Variants in GAS2 observed in about 807,000 individuals in gnomAD.
The protein encoded by GAS2 is growth arrest-specific protein 2.
GAS2 carries 20 observed loss-of-function variants against 37.5 expected under a neutral mutation model. The ratio of observed to expected loss-of-function variants is 0.53; its 90% CI spans 0.37 to 0.77. GAS2 has a LOEUF of 0.77. GAS2 is among the 30% of genes least tolerant of loss of function. The pLI is 0.00. For synonymous variants in GAS2, 144 were observed against 132.2 expected (o/e 1.09, Z -0.61); for missense variants, 336 against 373.4 (o/e 0.90, Z 0.82).
chr11:22,782,080 G>C (rs1855581487), intron 7 of GAS2, among the ~76,000 whole-genome samples: 1 of 152,164 alleles, frequency 6.6e-6, no homozygotes, highest in African/African-American at 2.4e-5. Context: ...TTTCAGCACT[G>C]TGTGTGTGAA....
chr11:22,717,824 C>G (rs1851754278), intron 3 of GAS2, among the ~76,000 whole-genome samples: 1 of 151,684 alleles, frequency 6.6e-6, no homozygotes, highest in South Asian at 2.1e-4. Flanking sequence ...CATGAATAGA[C>G]AATTCTCAAA....
rs369662583 is a variant in GAS2, at chr11:22,749,293, G to C, written c.615+32G>C. ...AAAATCAGTCAGACTTCTTACCAAC[G>C]GTTAGTCTTTCTTGCACTACAAAAC... is the stretch of plus-strand genomic sequence containing the variant. On this transcript the variant is annotated intron_variant, in intron 6 of 7. Coordinates refer to ENST00000454584, the MANE Select transcript of GAS2 (RefSeq NM_001143830.3). 28 of 1,596,148 alleles carry C rather than the reference G, an allele frequency of 1.8e-5. No individual in the cohort carries two copies. In the African/African-American group the frequency reaches 3.4e-4, roughly 19 times the overall value.
intron 3 of GAS2, among the ~76,000 whole-genome samples, chr11:22,699,036 C>G (rs961924890): frequency 1.3e-5 from 2 of 152,022 alleles, no homozygotes; most frequent in Non-Finnish European, 2.9e-5. Flanking sequence ...AAGCTCAAGC[C>G]CCCACAAAAT....
chr11:22,786,492 G>A (rs775922496), intron 7 of GAS2, among the ~76,000 whole-genome samples: 17 of 152,102 alleles, frequency 1.1e-4, no homozygotes, highest in Non-Finnish European at 1.6e-4. Context: ...TGTCCACTAT[G>A]CAAGGACTGG....
intron 1 of GAS2, among the ~76,000 whole-genome samples, chr11:22,629,890 G>A (rs1158679492): frequency 6.6e-6 from 1 of 152,102 alleles, no homozygotes; most frequent in Admixed American, 6.6e-5. Context: ...GCCTCGGTCA[G>A]TGTCCAGAAG....
intron 7 of GAS2, among the ~76,000 whole-genome samples, chr11:22,775,581 T>G (rs910845841): frequency 6.6e-6 from 1 of 152,146 alleles, no homozygotes; most frequent in Admixed American, 6.5e-5. Flanking sequence ...TAGAATAAAA[T>G]TGTGGGCTAC....
At chr11:22,760,041 T>C (rs1262108191) in intron 7 of GAS2, among the ~76,000 whole-genome samples, 2 of 152,208 alleles carry the variant, frequency 1.3e-5, no homozygotes, top group Admixed American at 1.3e-4. Context: ...CACTGCAACC[T>C]CCATCTCCCA....
intron 1 of GAS2, among the ~76,000 whole-genome samples, chr11:22,641,769 A>G (rs1848632364): frequency 6.6e-6 from 1 of 152,160 alleles, no homozygotes; most frequent in African/African-American, 2.4e-5. Flanking sequence ...CTTATAATTA[A>G]TATGTTAGTG....
chr11:22,766,431 T>C (rs1854699335), intron 7 of GAS2, among the ~76,000 whole-genome samples: 1 of 152,220 alleles, frequency 6.6e-6, no homozygotes, highest in Non-Finnish European at 1.5e-5. Context: ...TGCTATTCAT[T>C]CCATTTCAGA....
At chr11:22,692,393 G>A (rs1850289319) in intron 3 of GAS2, among the ~76,000 whole-genome samples, 1 of 152,168 alleles carries the variant, frequency 6.6e-6, no homozygotes, top group Non-Finnish European at 1.5e-5. Flanking sequence ...GATGACATGT[G>A]CCCAAGGTGG....
chr11:22,789,452 A>AT (rs1242735681), intron 7 of GAS2, among the ~76,000 whole-genome samples: 10 of 74,234 alleles, frequency 1.3e-4, no homozygotes, highest in African/African-American at 4.7e-4. Flanking sequence ...ATATATATAT[A>AT]TATTCTTTTT....
At chr11:22,683,270 A>G (rs1354691280) in intron 2 of GAS2, among the ~76,000 whole-genome samples, 1 of 151,882 alleles carries the variant, frequency 6.6e-6, no homozygotes, top group African/African-American at 2.4e-5. Context: ...GATTTTATTT[A>G]TTTATTTATT....
At chr11:22,785,364 C>T (rs1213962178) in intron 7 of GAS2, among the ~76,000 whole-genome samples, 1 of 152,124 alleles carries the variant, frequency 6.6e-6, no homozygotes, top group African/African-American at 2.4e-5. Flanking sequence ...CTGATTCACT[C>T]TGTTGCATTG....
At chr11:22,687,258 T>C (rs531622596) in intron 3 of GAS2, among the ~76,000 whole-genome samples, 313 of 152,224 alleles carry the variant, frequency 2.1e-3, no homozygotes, top group Non-Finnish European at 3.9e-3. Context: ...GCCCAGGAGG[T>C]TGAGGTTGCA....
At chr11:22,764,510 G>A (rs1854572815) in intron 7 of GAS2, among the ~76,000 whole-genome samples, 1 of 148,708 alleles carries the variant, frequency 6.7e-6, no homozygotes, top group Non-Finnish European at 1.5e-5. Context: ...CAGTGAGTGG[G>A]GAGATCTCGC....
chr11:22,677,112 A>G (rs11026727), intron 2 of GAS2, among the ~76,000 whole-genome samples: 1 of 152,192 alleles, frequency 6.6e-6, no homozygotes, highest in Non-Finnish European at 1.5e-5. Flanking sequence ...TAAATAAGCA[A>G]TTGAATATAT....
intron 1 of GAS2, among the ~76,000 whole-genome samples, chr11:22,672,159 AC>A (rs1237969478): frequency 6.6e-6 from 1 of 152,020 alleles, no homozygotes; most frequent in Non-Finnish European, 1.5e-5. Flanking sequence ...TCTTTCTCTC[AC>A]CTCTGTCTCC....
At chr11:22,650,284 A>C (rs1848757599) in intron 1 of GAS2, among the ~76,000 whole-genome samples, 1 of 149,768 alleles carries the variant, frequency 6.7e-6, no homozygotes, top group East Asian at 2.0e-4. Context: ...TCTGAGAGAT[A>C]GTTTGTTATA....
At chr11:22,694,370 C>A (rs1850395404) in intron 3 of GAS2, among the ~76,000 whole-genome samples, 1 of 152,120 alleles carries the variant, frequency 6.6e-6, no homozygotes, top group Non-Finnish European at 1.5e-5. Context: ...CGGAGAATTT[C>A]CATTCACACT....
Sources: gnomAD v4.1 joint callset for allele counts (sites outside exome capture counted in the v4.1 genomes callset) on GRCh38, gnomAD v4.1.1 for gene constraint, MANE v1.5 for transcripts, NCBI Gene and HGNC (gene_info 2026-07-23, HGNC 2026-07-21) for gene names.